The following CNTNAP2 variants were observed in gnomAD, a reference collection of about 807,000 sequenced individuals.
CNTNAP2 encodes the protein contactin-associated protein-like 2.
CNTNAP2 carries 98 observed loss-of-function variants against 155.2 expected under a neutral mutation model. The ratio of observed to expected loss-of-function variants is 0.63; its 90% CI spans 0.54 to 0.75. The LOEUF is 0.75. CNTNAP2 is among the 30% of genes least tolerant of loss of function. The pLI is 0.00. For synonymous variants in CNTNAP2, 651 were observed against 631.2 expected, an observed-to-expected ratio of 1.03 and a Z score of -0.47; for missense variants, 1,727 against 1,688.1, an observed-to-expected ratio of 1.02 and a Z score of -0.40.
At chr7:148,047,248 A>T (rs1303760670) in intron 15 of CNTNAP2, among the ~76,000 whole-genome samples, 1 of 152,202 alleles carries the variant, frequency 6.6e-6, no homozygotes, top group Non-Finnish European at 1.5e-5. Context: ...TTGCCCCTAG[A>T]GGGAATTCAG....
intron 13 of CNTNAP2, among the ~76,000 whole-genome samples, chr7:147,882,339 C>G (rs956725635): frequency 6.6e-6 from 1 of 152,150 alleles, no homozygotes; most frequent in East Asian, 1.9e-4. Flanking sequence ...TATTTCACAG[C>G]CACTCTTGCA....
At chr7:147,815,066 C>T (rs1444284020) in intron 13 of CNTNAP2, among the ~76,000 whole-genome samples, 2 of 152,056 alleles carry the variant, frequency 1.3e-5, no homozygotes, top group Non-Finnish European at 2.9e-5. Context: ...TGTGATAACT[C>T]AGATAGTCTG....
intron 1 of CNTNAP2, among the ~76,000 whole-genome samples, chr7:146,497,380 C>G (rs1052608737): frequency 6.6e-6 from 1 of 152,000 alleles, no homozygotes; most frequent in South Asian, 2.1e-4. Context: ...AATGTATTTT[C>G]AAATTAGAAA....
intron 10 of CNTNAP2, among the ~76,000 whole-genome samples, chr7:147,422,183 T>C (rs1312157846): frequency 6.8e-6 from 1 of 147,686 alleles, no homozygotes; most frequent in Non-Finnish European, 1.5e-5. Context: ...TATGTATATA[T>C]ACACTATATA....
intron 1 of CNTNAP2, among the ~76,000 whole-genome samples, chr7:146,414,925 TG>T (rs1382734933): frequency 6.6e-6 from 1 of 152,144 alleles, no homozygotes; most frequent in Non-Finnish European, 1.5e-5. Flanking sequence ...CAGTCTCTTT[TG>T]GGGGGAATAG....
intron 10 of CNTNAP2, among the ~76,000 whole-genome samples, chr7:147,476,655 G>C (rs573311502): frequency 2.6e-5 from 4 of 151,734 alleles, no homozygotes; most frequent in Non-Finnish European, 4.4e-5. Context: ...GGTCAGGCGC[G>C]GTGGCTCACG....
intron 21 of CNTNAP2, among the ~76,000 whole-genome samples, chr7:148,267,848 A>G (rs1376423600): frequency 6.6e-6 from 1 of 152,134 alleles, no homozygotes; most frequent in Non-Finnish European, 1.5e-5. Flanking sequence ...CCTACTAGCA[A>G]TATGTAATTT....
chr7:147,409,342 A>G (rs1307739544), intron 10 of CNTNAP2, among the ~76,000 whole-genome samples: 1 of 152,394 alleles, frequency 6.6e-6, no homozygotes, highest in African/African-American at 2.4e-5. Flanking sequence ...ATAACTGGCT[A>G]GCCATATGCA....
At chr7:146,582,704 A>T (rs1798629654) in intron 1 of CNTNAP2, among the ~76,000 whole-genome samples, 1 of 152,098 alleles carries the variant, frequency 6.6e-6, no homozygotes, top group Admixed American at 6.6e-5. Context: ...CAGAGACCAG[A>T]TCACTCTGAA....
At chr7:147,333,325 A>G (rs182983823) in intron 9 of CNTNAP2, among the ~76,000 whole-genome samples, 2 of 152,312 alleles carry the variant, frequency 1.3e-5, no homozygotes, top group African/African-American at 4.8e-5. Context: ...ACATTTTTAT[A>G]TTTATTTCCA....
Position 146,505,027 on chromosome 7 carries a change from C to T in CNTNAP2, c.98-269244C>T, listed in dbSNP as rs187200578. On this transcript the variant is annotated intron_variant, in intron 1 of 23. Coordinates refer to ENST00000361727, the MANE Select transcript of CNTNAP2 (RefSeq NM_014141.6). The stretch of plus-strand genomic sequence containing the variant: ...GGGGCACCTTGTGTTCTCCCACTAA[C>T]GAGCCCCATCCATCACAGACATTAC... 6.6e-3 allele frequency among the ~76,000 whole-genome samples: 1,009 copies of T among 152,314 alleles called. 34 individuals carry two copies. The highest frequency in any genetic ancestry group is 0.055 in the Admixed American group (839 of 15,296).
chr7:147,335,941 A>G lies in CNTNAP2; in HGVS notation c.1498+35651A>G, dbSNP rs189660613. 3.1e-3 allele frequency among the ~76,000 whole-genome samples: 470 copies of G among 152,304 alleles called. 3 individuals are homozygous for G. Among genetic ancestry groups the G allele is most frequent in the Non-Finnish European group, 5.8e-3 (392 of 68,014 alleles). On this transcript the variant is annotated intron_variant, in intron 9 of 23. Coordinates refer to ENST00000361727, the MANE Select transcript of CNTNAP2 (RefSeq NM_014141.6). Reference sequence around the variant, plus strand: ...GAAAGGAAGGAAATAAAGAACAAACAGCAGTGTAAGATGGCTGCAGTGTGG... The same window carrying G: ...GAAAGGAAGGAAATAAAGAACAAACGGCAGTGTAAGATGGCTGCAGTGTGG...
intron 8 of CNTNAP2, among the ~76,000 whole-genome samples, chr7:147,164,522 T>C (rs1235945234): frequency 6.6e-6 from 1 of 152,222 alleles, no homozygotes; most frequent in Non-Finnish European, 1.5e-5. Flanking sequence ...ATTTATGGAG[T>C]ACACTGTGAA....
At chr7:147,105,836 T>C (rs935355944) in intron 4 of CNTNAP2, among the ~76,000 whole-genome samples, 2 of 152,048 alleles carry the variant, frequency 1.3e-5, no homozygotes, top group African/African-American at 4.8e-5. Flanking sequence ...GAGAATTTTG[T>C]TTCCCAGCTG....
intron 13 of CNTNAP2, among the ~76,000 whole-genome samples, chr7:147,655,415 GC>G (rs1795511267): frequency 6.6e-6 from 1 of 152,136 alleles, no homozygotes; most frequent in African/African-American, 2.4e-5. Context: ...GAGCCACCGC[GC>G]CCAGCCTATT....
At chr7:147,551,912 A>G (rs1799860977) in intron 11 of CNTNAP2, among the ~76,000 whole-genome samples, 1 of 152,220 alleles carries the variant, frequency 6.6e-6, no homozygotes, top group Non-Finnish European at 1.5e-5. Context: ...AAGGCTTAGC[A>G]AAGACATTCA....
At chr7:146,158,475 AAAG>A (rs758932016) in intron 1 of CNTNAP2, among the ~76,000 whole-genome samples, 2 of 152,204 alleles carry the variant, frequency 1.3e-5, no homozygotes, top group Admixed American at 6.5e-5. Context: ...AACTCATCGC[AAAG>A]AAGCTAAAAA....
intron 1 of CNTNAP2, among the ~76,000 whole-genome samples, chr7:146,766,207 A>G (rs1287184745): frequency 6.6e-6 from 1 of 152,190 alleles, no homozygotes; most frequent in Non-Finnish European, 1.5e-5. Context: ...AATAAATGAA[A>G]TAAAGTTGAT....
At chr7:147,389,770 G>T (rs1796677970) in intron 9 of CNTNAP2, among the ~76,000 whole-genome samples, 1 of 152,158 alleles carries the variant, frequency 6.6e-6, no homozygotes, top group African/African-American at 2.4e-5. Flanking sequence ...TTGTCAGATT[G>T]TAGAAACCAG....
Sources: gnomAD v4.1 joint callset for allele counts (sites outside exome capture counted in the v4.1 genomes callset) on GRCh38, gnomAD v4.1.1 for gene constraint, MANE v1.5 for transcripts, NCBI Gene and HGNC (gene_info 2026-07-23, HGNC 2026-07-21) for gene names.